The following VPS13A variants were observed in gnomAD, a reference collection of about 807,000 sequenced individuals.
VPS13A encodes the protein vacuolar protein sorting 13 homolog A.
A neutral mutation model predicts 390.9 loss-of-function variants in VPS13A; 264 were observed. The observed-to-expected ratio is 0.68, with a 90% CI of 0.61 to 0.75. VPS13A has a LOEUF of 0.75. Among genes scored for constraint, VPS13A ranks in the 30% least tolerant of loss-of-function variants. VPS13A has a pLI of 0.00. For synonymous variants in VPS13A, 1,231 were observed against 1,227.1 expected (o/e 1.00, Z -0.07); for missense variants, 3,409 against 3,733.9 (o/e 0.91, Z 2.27).
At position 77,372,812 on chromosome 9, in the gene VPS13A, A is replaced by G. The variant is rs375872475; in HGVS notation, c.9077+1663A>G. 2.0e-4 allele frequency among the ~76,000 whole-genome samples: 31 copies of G among 152,344 alleles called. No homozygotes were observed. In the East Asian group the frequency reaches 4.2e-3, roughly 21 times the overall value. On this transcript the variant is annotated intron_variant, in intron 67 of 71. Coordinates refer to ENST00000360280, the MANE Select transcript of VPS13A (RefSeq NM_033305.3). ...TCTTAGGATACAAAATCAATGTACAAAAATCACAAGCATTCTTATACACCA... is the reference window on the plus strand; with the variant it reads ...TCTTAGGATACAAAATCAATGTACAGAAATCACAAGCATTCTTATACACCA...
Position 77,338,688 on chromosome 9 carries a change from T to C in VPS13A, c.6379-828T>C, listed in dbSNP as rs73449925. On this transcript the variant is annotated intron_variant, in intron 47 of 71. Transcript: ENST00000360280. ...AGAATCAAGAACTCCTTACTTTTGC[T>C]TTAATTAATTTAAAATCATGAGATG... 243 of 152,326 alleles carry C rather than the reference T, an allele frequency of 1.6e-3. 1 individual carries two copies. Among genetic ancestry groups the C allele is most frequent in the African/African-American group, 5.3e-3 (219 of 41,560 alleles). 9.4% of individuals were successfully genotyped at this position (152,326 alleles called of 1,614,324 possible).
Position 77,391,270 on chromosome 9 carries a change from G to T in VPS13A, c.9189+9183G>T, listed in dbSNP as rs182920375. Among the ~76,000 whole-genome samples, 315 of 152,300 alleles carry T rather than the reference G, an allele frequency of 2.1e-3. 2 individuals carry two copies. Among genetic ancestry groups the T allele is most frequent in the African/African-American group, 7.2e-3 (299 of 41,570 alleles). ...AAAGCTCATTCAGAAATATTTGTGTGTGTGTACGTGCATGCTGTAACAATA... is the reference window on the plus strand; with the variant it reads ...AAAGCTCATTCAGAAATATTTGTGTTTGTGTACGTGCATGCTGTAACAATA... On this transcript the variant is annotated intron_variant, in intron 68 of 71. Coordinates refer to ENST00000360280, the MANE Select transcript of VPS13A (RefSeq NM_033305.3).
chr9:77,258,612 C>T (rs992117478), intron 22 of VPS13A, among the ~76,000 whole-genome samples: 1 of 151,988 alleles, frequency 6.6e-6, no homozygotes, highest in Non-Finnish European at 1.5e-5. Context: ...AACCATGCTA[C>T]GCATTCCCTT....
intron 35 of VPS13A, among the ~76,000 whole-genome samples, chr9:77,310,337 A>G (rs1365380835): frequency 6.6e-6 from 1 of 152,210 alleles, no homozygotes; most frequent in Admixed American, 6.5e-5. Context: ...GGAAAGAAAA[A>G]AAAAGCCATA....
chr9:77,256,418 C>G (rs1267637107), intron 22 of VPS13A, among the ~76,000 whole-genome samples: 3 of 152,138 alleles, frequency 2.0e-5, no homozygotes, highest in Admixed American at 6.5e-5. Flanking sequence ...GACGTATAAT[C>G]TGTCCTGGAG....
chr9:77,326,620 A>G lies in VPS13A; in HGVS notation c.5991+3393A>G, dbSNP rs541905159. Among the ~76,000 whole-genome samples, 23 of 152,102 alleles carry G rather than the reference A, an allele frequency of 1.5e-4. No homozygotes were observed. In the East Asian group the frequency reaches 4.2e-3, roughly 28 times the overall value. On this transcript the variant is annotated intron_variant, in intron 45 of 71. Transcript: ENST00000360280. ...CTCTTTTTAACATCCTTAGTCTTCT[A>G]ACTTTTTAGTGATATTGGATATAAT... is the stretch of plus-strand genomic sequence containing the variant.
Position 77,309,801 on chromosome 9 carries a change from G to T in VPS13A, c.4114+1703G>T, listed in dbSNP as rs571811078. ...ATCTACTGAGTTTCCAGCAGATTGG[G>T]TAAACTAAGATTCCACATACAAACA... is the stretch of plus-strand genomic sequence containing the variant. On this transcript the variant is annotated intron_variant, in intron 35 of 71. Coordinates refer to ENST00000360280, the MANE Select transcript of VPS13A (RefSeq NM_033305.3). Among the ~76,000 whole-genome samples, 4 of 151,938 alleles carry T rather than the reference G, an allele frequency of 2.6e-5. 1 individual carries two copies. In the South Asian group the frequency reaches 8.3e-4, roughly 32 times the overall value.
intron 26 of VPS13A, among the ~76,000 whole-genome samples, chr9:77,276,544 C>T (rs1460923871): frequency 6.6e-6 from 1 of 152,168 alleles, no homozygotes; most frequent in African/African-American, 2.4e-5. Context: ...TTAAAAACAA[C>T]ACAAATTTAT....
chr9:77,360,549 T>A lies in VPS13A; in HGVS notation c.8119T>A (p.Leu2707Met). The A allele has an allele frequency of 6.2e-7, 1 of 1,611,766 alleles. No individual in the cohort carries two copies. The highest frequency in any genetic ancestry group is 8.5e-7 in the Non-Finnish European group (1 of 1,178,212). ...QISRIKYFKV[L>M]IQEMDLRLDL... ...TTTGTAATACAGGTATTTCAAAGTA[T>A]TGATTCAAGAAATGGATCTCAGGTT... Residue 2707 changes from leucine to methionine, a missense_variant, in exon 59 of 72, where the codon TTG becomes ATG. By Grantham distance (15) the Leu-to-Met change is conservative. This residue lies in a region of VPS13A where 221 missense variants were observed against 300.7 expected (regional missense o/e 0.73). Coordinates refer to ENST00000360280, the MANE Select transcript of VPS13A (RefSeq NM_033305.3).
chr9:77,260,549 G>T (rs1268932172), intron 23 of VPS13A, among the ~76,000 whole-genome samples: 1 of 151,540 alleles, frequency 6.6e-6, no homozygotes, highest in African/African-American at 2.4e-5. Flanking sequence ...CAGAGACGGG[G>T]TTTCACCGTG....
At chr9:77,297,563 T>C (rs1411629009) in intron 33 of VPS13A, among the ~76,000 whole-genome samples, 1 of 151,904 alleles carries the variant, frequency 6.6e-6, no homozygotes, top group Admixed American at 6.6e-5. Context: ...TAAGTCAATT[T>C]TGTCTGTCTT....
At chr9:77,252,130 G>A in intron 21 of VPS13A, 105 bp from the exon 22 acceptor site, 1 of 938,206 alleles carries the variant, frequency 1.1e-6, no homozygotes, top group Non-Finnish European at 1.7e-6. Context: ...CTAGATGTGG[G>A]GAAATTTCCT....
In VPS13A at chr9:77,177,741, CG is replaced by C; in HGVS notation, c.39del (p.Phe14SerfsTer35). 1 of 1,613,446 alleles carries C rather than the reference CG, an allele frequency of 6.2e-7. No homozygotes were observed. The highest frequency in any genetic ancestry group is 8.5e-7 in the Non-Finnish European group (1 of 1,179,664). On this transcript the variant is annotated frameshift_variant, in exon 1 of 72. Coordinates refer to ENST00000360280, the MANE Select transcript of VPS13A (RefSeq NM_033305.3). LOFTEE classifies it high-confidence loss of function. Reference protein sequence around the residue: ...FESVVVDVLNRFLGDYVVDLD... With the variant: ...FESVVVDVLNXFLGDYVVDLD... ...GTCGGTGGTCGTGGACGTGTTGAAC[CG>C]GTTCTTGGGGGACTATGTGGTGGAC...
intron 31 of VPS13A, among the ~76,000 whole-genome samples, chr9:77,283,889 C>T (rs1827182740): frequency 6.6e-6 from 1 of 151,286 alleles, no homozygotes; most frequent in Non-Finnish European, 1.5e-5. Flanking sequence ...ATTACAGTAT[C>T]TCATAAATGA....
intron 22 of VPS13A, among the ~76,000 whole-genome samples, chr9:77,258,260 C>T (rs768495626): frequency 1.1e-4 from 16 of 152,214 alleles, no homozygotes; most frequent in Admixed American, 3.3e-4. Context: ...CAAACACTTC[C>T]AGGAGAGTTG....
intron 45 of VPS13A, among the ~76,000 whole-genome samples, chr9:77,330,883 C>G (rs186268974): frequency 1.3e-5 from 2 of 151,924 alleles, no homozygotes; most frequent in African/African-American, 4.8e-5. Flanking sequence ...TTTGGTGATA[C>G]GTTGTGTATA....
intron 21 of VPS13A, among the ~76,000 whole-genome samples, chr9:77,251,378 T>G (rs1825138505): frequency 6.6e-6 from 1 of 152,200 alleles, no homozygotes; most frequent in Admixed American, 6.5e-5. Context: ...ATTTTTAAAG[T>G]TATTTCTTTC....
chr9:77,377,780 G>C (rs1482681750), intron 67 of VPS13A, among the ~76,000 whole-genome samples: 2 of 152,132 alleles, frequency 1.3e-5, no homozygotes, highest in East Asian at 3.9e-4. Flanking sequence ...TGAGAGAATA[G>C]ACATGCCTAT....
intron 19 of VPS13A, among the ~76,000 whole-genome samples, chr9:77,242,930 A>G (rs1285953261): frequency 6.6e-6 from 1 of 152,046 alleles, no homozygotes; most frequent in Non-Finnish European, 1.5e-5. Context: ...TTTCTTTTCT[A>G]TACCAATAGT....
Sources: allele counts gnomAD v4.1 joint callset (sites outside exome capture counted in the v4.1 genomes callset), GRCh38; gene constraint gnomAD v4.1.1; regional missense constraint gnomAD v4.1.1; transcripts MANE v1.5; gene names NCBI Gene and HGNC (gene_info 2026-07-23, HGNC 2026-07-21).